IFIH1: variants seen among roughly 807,000 people sequenced by gnomAD.
The protein encoded by IFIH1 is interferon induced with helicase C domain 1, also known as interferon-induced helicase C domain-containing protein 1.
In IFIH1, 125 loss-of-function variants were observed where a neutral mutation model predicts 107.4. The ratio of observed to expected loss-of-function variants is 1.16; its 90% CI spans 1.01 to 1.35. The LOEUF (loss-of-function observed/expected upper bound fraction) is 1.35, where lower values mean the gene tolerates loss of function less well. Among genes scored for constraint, IFIH1 ranks in the 40% most tolerant of loss-of-function variants. IFIH1 has a pLI of 0.00. For missense variants in IFIH1, 1,333 were observed against 1,213.7 expected (o/e 1.10, Z -1.46); for synonymous variants, 458 against 413.2 (o/e 1.11, Z -1.31).
Position 162,267,334 on chromosome 2 carries a change from G to A in IFIH1, c.2944C>T (p.Leu982Phe), listed in dbSNP as rs778652563. The A allele has an allele frequency of 1.9e-6, 3 of 1,612,820 alleles. No homozygotes were observed. Among genetic ancestry groups the A allele is most frequent in the South Asian group, 1.1e-5 (1 of 90,452 alleles). Residue 982 changes from leucine to phenylalanine, a missense_variant, in exon 16 of 16, where the codon CTC becomes TTC. Physicochemically the swap from Leu to Phe is conservative, Grantham distance 22. Transcript: ENST00000649979. Reference sequence around the variant, plus strand: ...ACCACTACAAAATTCCTTATTTTGAGACAAGGCAAATCTAAGCCTTTGTGC... The same window carrying A: ...ACCACTACAAAATTCCTTATTTTGAAACAAGGCAAATCTAAGCCTTTGTGC... ...MVHKGLDLPC[L>F]KIRNFVVVFK...
chr2:162,271,566 C>T (rs1266563584), intron 13 of IFIH1, among the ~76,000 whole-genome samples: 1 of 152,044 alleles, frequency 6.6e-6, no homozygotes, highest in Non-Finnish European at 1.5e-5. Context: ...TGTAACAGAC[C>T]TGCACGTTGT....
chr2:162,267,250 A>T lies in IFIH1; in HGVS notation c.3028T>A (p.Phe1010Ile), dbSNP rs1207718551. 1 of 1,609,320 alleles carries T rather than the reference A, an allele frequency of 6.2e-7. No individual in the cohort carries two copies. Among genetic ancestry groups the T allele is most frequent in the Non-Finnish European group, 8.5e-7 (1 of 1,178,762 alleles). ...CATTCTGAATAGTCAAGATTGGGAA[A>T]TGTGATAGGTAATTCTACCCACTTT... ...YKKWVELPIT[F>I]PNLDYSECCL... The change falls in exon 16 of 16, where the codon TTT becomes ATT. Residue 1010 changes from phenylalanine (F) to isoleucine (I), a missense_variant. Phe to Ile is a conservative substitution (Grantham distance 21). Coordinates refer to ENST00000649979, the MANE Select transcript of IFIH1 (RefSeq NM_022168.4).
rs1459082313 is a variant in IFIH1, at chr2:162,318,233, G to A, written c.75C>T (p.Tyr25=). Residue 25 remains tyrosine (Y), a synonymous_variant, in exon 1 of 16, where the codon TAC becomes TAT. Coordinates refer to ENST00000649979, the MANE Select transcript of IFIH1 (RefSeq NM_022168.4). ...ISCFRARVKM[Y]IQVEPVLDYL... is the part of the protein sequence containing the mutation. The stretch of plus-strand genomic sequence containing the variant: ...AGTCCAGCACAGGCTCCACCTGGAT[G>A]TACATTTTCACCCTGGCCCTGAAGC... 4.3e-6 allele frequency: 7 copies of A among 1,614,044 alleles called. No individual in the cohort carries two copies. Among genetic ancestry groups the A allele is most frequent in the Non-Finnish European group, 5.9e-6 (7 of 1,180,044 alleles).
At chr2:162,310,487 A>G (rs1301576997) in intron 2 of IFIH1, 2 of 504,872 alleles carry the variant, frequency 4.0e-6, no homozygotes, top group South Asian at 3.4e-5. Flanking sequence ...AATGTTACAT[A>G]ATCTTGATAA....
Position 162,268,115 on chromosome 2 carries a change from G to A in IFIH1, c.2779C>T (p.His927Tyr). ...GEDIHVIEKM[H>Y]HVNMTPEFKE... ...AATTCTGGGGTCATATTGACGTGAT[G>A]CATTTTCTCAATTACATGGATATCT... The change falls in exon 14 of 16, where the codon CAT (histidine) becomes TAT (tyrosine). Residue 927 changes from histidine to tyrosine, a missense_variant. His to Tyr is a moderately conservative substitution (Grantham distance 83). Transcript: ENST00000649979. The A allele has an allele frequency of 6.2e-7, 1 of 1,606,700 alleles. No individual in the cohort carries two copies. Among genetic ancestry groups the A allele is most frequent in the Non-Finnish European group, 8.5e-7 (1 of 1,177,328 alleles).
intron 2 of IFIH1, among the ~76,000 whole-genome samples, chr2:162,308,305 C>G (rs900433766): frequency 6.6e-6 from 1 of 151,958 alleles, no homozygotes; most frequent in Non-Finnish European, 1.5e-5. Context: ...AGATGTTTCT[C>G]TTTTTCTCTT....
chr2:162,313,467 T>C (rs946377274), intron 1 of IFIH1, among the ~76,000 whole-genome samples: 7 of 152,232 alleles, frequency 4.6e-5, no homozygotes, highest in African/African-American at 1.7e-4. Flanking sequence ...AAAATTAATT[T>C]GGTAATAATA....
chr2:162,314,663 T>C (rs1013755042), intron 1 of IFIH1, among the ~76,000 whole-genome samples: 1 of 151,788 alleles, frequency 6.6e-6, no homozygotes, highest in African/African-American at 2.4e-5. Context: ...AATTTTTTTG[T>C]ATTTTTAGTA....
chr2:162,302,461 T>C, intron 3 of IFIH1, among the ~76,000 whole-genome samples: 1 of 152,306 alleles, frequency 6.6e-6, no homozygotes, highest in East Asian at 1.9e-4. Flanking sequence ...AACTTTAACC[T>C]AATATAATGG....
Position 162,318,419 on chromosome 2 carries a change from T to C in IFIH1, c.-112A>G. The stretch of plus-strand genomic sequence containing the variant: ...GCTGCCCACTTAGAGAAGCAGGGTC[T>C]ACCGCTCTGTGCCTGACAATGACGA... On this transcript the variant is annotated 5_prime_UTR_variant, in exon 1 of 16. Transcript: ENST00000649979. The C allele has an allele frequency of 1.1e-6, 1 of 869,940 alleles. No individual in the cohort carries two copies. Among genetic ancestry groups the C allele is most frequent in the South Asian group, 1.5e-5 (1 of 64,904 alleles). 53.9% of individuals were successfully genotyped at this position (869,940 alleles called of 1,614,324 possible).
chr2:162,303,661 GA>G (rs563538550), intron 3 of IFIH1, among the ~76,000 whole-genome samples: 15,107 of 141,796 alleles, frequency 0.11, 2,534 homozygotes, highest in African/African-American at 0.36. Context: ...AACCCAAGAG[GA>G]AAAAAAAAAA....
intron 3 of IFIH1, among the ~76,000 whole-genome samples, chr2:162,303,253 T>G (rs2105223362): frequency 6.6e-6 from 1 of 152,298 alleles, no homozygotes; most frequent in South Asian, 2.1e-4. Context: ...TAGCTGGGAT[T>G]ACAGGCATCT....
intron 3 of IFIH1, among the ~76,000 whole-genome samples, chr2:162,305,141 G>GTAT (rs1389580590): frequency 1.3e-5 from 2 of 152,116 alleles, no homozygotes; most frequent in Non-Finnish European, 2.9e-5. Flanking sequence ...ACACATTCAG[G>GTAT]TATGTAAAAA....
intron 3 of IFIH1, among the ~76,000 whole-genome samples, chr2:162,298,982 G>A (rs999859067): frequency 1.3e-5 from 2 of 152,122 alleles, no homozygotes; most frequent in African/African-American, 4.8e-5. Flanking sequence ...GGCCCACATG[G>A]CTATCCATGG....
intron 3 of IFIH1, among the ~76,000 whole-genome samples, chr2:162,300,050 C>A (rs1281987232): frequency 2.6e-5 from 4 of 152,198 alleles, no homozygotes; most frequent in Non-Finnish European, 5.9e-5. Flanking sequence ...GATCTTCTCT[C>A]TTCATCCTGT....
intron 2 of IFIH1, among the ~76,000 whole-genome samples, chr2:162,309,262 C>T (rs1358258119): frequency 6.6e-6 from 1 of 152,146 alleles, no homozygotes; most frequent in Non-Finnish European, 1.5e-5. Context: ...GGGCTCCATC[C>T]ACACAGCTTT....
intron 3 of IFIH1, among the ~76,000 whole-genome samples, chr2:162,297,014 A>C (rs1422178925): frequency 2.0e-5 from 3 of 152,080 alleles, no homozygotes; most frequent in Admixed American, 2.0e-4. Flanking sequence ...ATGCATTTTG[A>C]TATACGTTTT....
chr2:162,275,354 A>G (rs747797629), intron 11 of IFIH1, among the ~76,000 whole-genome samples: 20 of 152,334 alleles, frequency 1.3e-4, no homozygotes, highest in Non-Finnish European at 2.6e-4. Flanking sequence ...TAAAGTTAAT[A>G]TAATAGAAAT....
At chr2:162,303,063 T>A (rs987275119) in intron 3 of IFIH1, among the ~76,000 whole-genome samples, 5 of 152,212 alleles carry the variant, frequency 3.3e-5, no homozygotes, top group African/African-American at 1.2e-4. Flanking sequence ...ATACAGTTAC[T>A]ACTGCTGGGC....
Sources: gnomAD v4.1 joint callset for allele counts (sites outside exome capture counted in the v4.1 genomes callset) on GRCh38, gnomAD v4.1.1 for gene constraint, MANE v1.5 for transcripts, NCBI Gene and HGNC (gene_info 2026-07-23, HGNC 2026-07-21) for gene names.